PCDH10: variants seen among roughly 807,000 people sequenced by gnomAD.
PCDH10 encodes the protein protocadherin-10.
A neutral mutation model predicts 74.4 loss-of-function variants in PCDH10; 15 were observed. The observed-to-expected ratio is 0.20, with a 90% CI of 0.13 to 0.31. The LOEUF is 0.31. PCDH10 is among the 10% of genes least tolerant of loss of function. The probability of loss-of-function intolerance (pLI) is 1.00; values close to 1 mark genes in which losing one functional copy is unlikely to be tolerated. For synonymous variants in PCDH10, 619 were observed against 589.8 expected (o/e 1.05, Z -0.72); for missense variants, 1,260 against 1,390.2 (o/e 0.91, Z 1.49).
At chr4:133,202,454 C>T (rs993327908) in intron 2 of PCDH10, among the ~76,000 whole-genome samples, 1 of 152,040 alleles carries the variant, frequency 6.6e-6, no homozygotes. Flanking sequence ...AAGTAAATGC[C>T]TTAGTCACTA....
chr4:133,195,230 C>T (rs1030456163), downstream of PCDH10, among the ~76,000 whole-genome samples: 4 of 152,078 alleles, frequency 2.6e-5, no homozygotes, highest in African/African-American at 9.7e-5. Context: ...TTCTTAATCT[C>T]ATGTGTGTTC....
chr4:133,171,348 A>T (rs1197217416), intron 4 of PCDH10, among the ~76,000 whole-genome samples: 1 of 152,194 alleles, frequency 6.6e-6, no homozygotes, highest in Non-Finnish European at 1.5e-5. Flanking sequence ...AAATGTTTTC[A>T]TCATATTTTT....
intron 4 of PCDH10, among the ~76,000 whole-genome samples, chr4:133,179,221 T>C (rs537275918): frequency 3.5e-4 from 54 of 152,274 alleles, no homozygotes; most frequent in Non-Finnish European, 6.8e-4. Flanking sequence ...GTTCCTCAAA[T>C]CCAGTCCTTT....
chr4:133,190,090 C>T, intron 4 of PCDH10, 51 bp from the exon 5 acceptor site: 1 of 1,478,124 alleles, frequency 6.8e-7, no homozygotes. Flanking sequence ...TAATTCTAAA[C>T]TCCAAAAGTC....
chr4:133,173,814 T>G (rs1425071969), intron 4 of PCDH10, among the ~76,000 whole-genome samples: 1 of 151,884 alleles, frequency 6.6e-6, no homozygotes, highest in Non-Finnish European at 1.5e-5. Context: ...ATTGTAGTTT[T>G]AGAAAGAGAT....
At chr4:133,166,739 C>T (rs1023877349) in intron 4 of PCDH10, among the ~76,000 whole-genome samples, 2 of 151,420 alleles carry the variant, frequency 1.3e-5, no homozygotes, top group Non-Finnish European at 3.0e-5. Flanking sequence ...TTAAACTATA[C>T]AGTAATAAAG....
At chr4:133,188,548 T>A (rs1727588309) in intron 4 of PCDH10, among the ~76,000 whole-genome samples, 1 of 152,146 alleles carries the variant, frequency 6.6e-6, no homozygotes, top group South Asian at 2.1e-4. Context: ...CTTCTGGATA[T>A]CATACATTAC....
At chr4:133,157,410 C>T (rs1726890014) in intron 3 of PCDH10, among the ~76,000 whole-genome samples, 1 of 152,078 alleles carries the variant, frequency 6.6e-6, no homozygotes, top group South Asian at 2.1e-4. Flanking sequence ...AATTTAAGCC[C>T]ATTTCAGATA....
chr4:133,182,154 G>T (rs961999426), intron 4 of PCDH10, among the ~76,000 whole-genome samples: 1 of 151,958 alleles, frequency 6.6e-6, no homozygotes, highest in African/African-American at 2.4e-5. Context: ...TACAATAGGT[G>T]CAAATAGATT....
At chr4:133,200,738 A>T (rs1727892666) in intron 2 of PCDH10, among the ~76,000 whole-genome samples, 2 of 152,104 alleles carry the variant, frequency 1.3e-5, no homozygotes. Flanking sequence ...CTAACAATAA[A>T]CTTAACAACC....
intron 4 of PCDH10, among the ~76,000 whole-genome samples, chr4:133,181,731 T>C (rs1445388735): frequency 6.6e-6 from 1 of 152,078 alleles, no homozygotes; most frequent in Non-Finnish European, 1.5e-5. Flanking sequence ...CCCTTCCTGC[T>C]TTTAAACTTC....
At chr4:133,169,511 A>T (rs937431549) in intron 4 of PCDH10, among the ~76,000 whole-genome samples, 1 of 151,856 alleles carries the variant, frequency 6.6e-6, no homozygotes, top group South Asian at 2.1e-4. Flanking sequence ...CATTATTTAT[A>T]TACCTCATTT....
chr4:133,195,278 C>T (rs551577774), downstream of PCDH10, among the ~76,000 whole-genome samples: 228 of 152,134 alleles, frequency 1.5e-3, 1 homozygote, highest in African/African-American at 5.4e-3. Context: ...CTGCACGTAT[C>T]TGGACCAAGG....
chr4:133,172,563 T>G (rs1274972354), intron 4 of PCDH10, among the ~76,000 whole-genome samples: 1 of 152,030 alleles, frequency 6.6e-6, no homozygotes, highest in Non-Finnish European at 1.5e-5. Context: ...GCCAAAATAT[T>G]ACTACTGTAG....
chr4:133,175,434 G>T (rs907679244), intron 4 of PCDH10, among the ~76,000 whole-genome samples: 1 of 152,014 alleles, frequency 6.6e-6, no homozygotes, highest in African/African-American at 2.4e-5. Flanking sequence ...GTTTTGTTTG[G>T]CCTAGAACTA....
At chr4:133,181,353 A>G (rs1350259174) in intron 4 of PCDH10, among the ~76,000 whole-genome samples, 2 of 152,054 alleles carry the variant, frequency 1.3e-5, no homozygotes, top group Non-Finnish European at 2.9e-5. Flanking sequence ...TATATAGATA[A>G]CTTATTATAC....
chr4:133,170,572 C>T (rs1331828982), intron 4 of PCDH10, among the ~76,000 whole-genome samples: 1 of 152,134 alleles, frequency 6.6e-6, no homozygotes, highest in Non-Finnish European at 1.5e-5. Flanking sequence ...TGATTATGTG[C>T]AACATAGGAG....
At chr4:133,175,414 GTGGTCTTCAGT>G (rs1258205003) in intron 4 of PCDH10, among the ~76,000 whole-genome samples, 1 of 152,068 alleles carries the variant, frequency 6.6e-6, no homozygotes, top group Non-Finnish European at 1.5e-5. Flanking sequence ...TCCAAGCACA[GTGGTCTTCAGT>G]TTTGTTTGGC....
chr4:133,179,799 C>T lies in PCDH10; in HGVS notation c.3104-10342C>T, dbSNP rs763547559. 2.7e-4 allele frequency among the ~76,000 whole-genome samples: 41 copies of T among 152,004 alleles called. 1 individual carries two copies. Among genetic ancestry groups the T allele is most frequent in the Non-Finnish European group, 5.3e-4 (36 of 67,976 alleles). On this transcript the variant is annotated intron_variant, in intron 4 of 4. Coordinates refer to ENST00000264360, the MANE Select transcript of PCDH10 (RefSeq NM_032961.3). ...CCATGTTCCATAACTGTGTCTGGAA[C>T]AAAGTAGACGCTCATAAATGCTTAT... is the stretch of plus-strand genomic sequence containing the variant.
Sources: allele counts gnomAD v4.1 joint callset (sites outside exome capture counted in the v4.1 genomes callset), GRCh38; gene constraint gnomAD v4.1.1; transcripts MANE v1.5; gene names NCBI Gene and HGNC (gene_info 2026-07-23, HGNC 2026-07-21).